MBD5: variants seen among roughly 807,000 people sequenced by gnomAD.
MBD5 encodes the protein methyl-CpG binding domain protein 5, also known as methyl-CpG-binding domain protein 5.
Under a neutral mutation model 117.3 loss-of-function variants are expected in MBD5, and 13 were observed. That is an observed-to-expected ratio of 0.11 (90% CI 0.07 to 0.18). The LOEUF (loss-of-function observed/expected upper bound fraction) is 0.18. Ranked by LOEUF, MBD5 falls within the 10% of genes least tolerant of loss-of-function variation. MBD5 has a pLI of 1.00. For synonymous variants in MBD5, 727 were observed against 766.4 expected, an observed-to-expected ratio of 0.95 and a Z score of 0.85; for missense variants, 1,879 against 2,093.8, an observed-to-expected ratio of 0.90 and a Z score of 2.00.
intron 1 of MBD5, among the ~76,000 whole-genome samples, chr2:148,061,261 T>C (rs1472121645): frequency 1.3e-5 from 2 of 152,126 alleles, no homozygotes; most frequent in East Asian, 1.9e-4. Flanking sequence ...TTATCAGTAA[T>C]TGGTAATAGC....
intron 1 of MBD5, among the ~76,000 whole-genome samples, chr2:148,074,538 T>G (rs1205196558): frequency 7.3e-6 from 1 of 136,890 alleles, no homozygotes; most frequent in African/African-American, 2.9e-5. Context: ...TCTTGCTCTG[T>G]CGCCCAGGCT....
chr2:148,092,374 T>A (rs7571453), intron 1 of MBD5, among the ~76,000 whole-genome samples: 2 of 152,108 alleles, frequency 1.3e-5, no homozygotes, highest in Non-Finnish European at 2.9e-5. Context: ...CATGTTTATC[T>A]CAGCACAATT....
chr2:148,435,351 T>C (rs1706123362), intron 4 of MBD5, among the ~76,000 whole-genome samples: 1 of 152,204 alleles, frequency 6.6e-6, no homozygotes, highest in Non-Finnish European at 1.5e-5. Flanking sequence ...TGCTTTATAG[T>C]GTCACTCATC....
chr2:148,027,353 A>T (rs1443003756), intron 1 of MBD5: 1 of 152,128 alleles, frequency 6.6e-6, no homozygotes, highest in Non-Finnish European at 1.5e-5. Context: ...AATACTTTTT[A>T]ATACAGTTCT....
intron 2 of MBD5, among the ~76,000 whole-genome samples, chr2:148,206,985 G>A (rs1214062155): frequency 6.6e-6 from 1 of 152,198 alleles, no homozygotes; most frequent in Non-Finnish European, 1.5e-5. Context: ...CAAGGACAAA[G>A]TTCAGTGGAA....
chr2:148,301,094 C>G (rs1270144094), intron 3 of MBD5, among the ~76,000 whole-genome samples: 2 of 152,232 alleles, frequency 1.3e-5, no homozygotes, highest in African/African-American at 4.8e-5. Flanking sequence ...AGGGACACCT[C>G]TGTGCCCCTA....
chr2:148,305,498 T>G (rs1701871101), intron 3 of MBD5, among the ~76,000 whole-genome samples: 1 of 152,184 alleles, frequency 6.6e-6, no homozygotes, highest in African/African-American at 2.4e-5. Context: ...TTCTGGTTAT[T>G]GGGCTCAAAG....
In MBD5 at chr2:148,079,187, A is replaced by T. The variant is rs932519735; in HGVS notation, c.-925+57503A>T. ...TTCATTGCCACCTAAGCCAGTGCTA[A>T]TTCATAAAATGCTGACCTGGGATCT... On this transcript the variant is annotated intron_variant, in intron 1 of 13. Transcript: ENST00000642680. Among the ~76,000 whole-genome samples the T allele has an allele frequency of 7.9e-5, 12 of 152,192 alleles. 1 individual carries two copies. In the South Asian group the frequency reaches 8.3e-4, roughly 11 times the overall value.
At chr2:148,327,489 T>C (rs1208768354) in intron 3 of MBD5, among the ~76,000 whole-genome samples, 1 of 152,162 alleles carries the variant, frequency 6.6e-6, no homozygotes, top group African/African-American at 2.4e-5. Flanking sequence ...CAGTCAGACG[T>C]AGATTTGGTC....
chr2:148,350,910 C>T (rs2105230012), intron 4 of MBD5, among the ~76,000 whole-genome samples: 1 of 151,986 alleles, frequency 6.6e-6, no homozygotes, highest in Middle Eastern at 3.4e-3. Flanking sequence ...TTTGTTCTTT[C>T]CTCATTGAAT....
chr2:148,324,882 G>C (rs1264938781), intron 3 of MBD5, among the ~76,000 whole-genome samples: 4 of 152,122 alleles, frequency 2.6e-5, no homozygotes, highest in Non-Finnish European at 5.9e-5. Flanking sequence ...TTGAATAGGA[G>C]TGGTGAGAGA....
intron 1 of MBD5, among the ~76,000 whole-genome samples, chr2:148,115,634 A>G (rs1696617946): frequency 6.6e-6 from 1 of 152,112 alleles, no homozygotes; most frequent in African/African-American, 2.4e-5. Flanking sequence ...TTTGCATACT[A>G]AGAATAGTTA....
intron 1 of MBD5, among the ~76,000 whole-genome samples, chr2:148,033,915 T>G (rs1694113789): frequency 6.6e-6 from 1 of 152,234 alleles, no homozygotes; most frequent in African/African-American, 2.4e-5. Flanking sequence ...ATACCAGCAT[T>G]GATTCATTTT....
intron 4 of MBD5, among the ~76,000 whole-genome samples, chr2:148,414,989 T>G (rs1006697871): frequency 1.3e-5 from 2 of 152,194 alleles, no homozygotes; most frequent in African/African-American, 2.4e-5. Context: ...GTGTGAGAAT[T>G]GGATCCTGTT....
At chr2:148,301,856 T>G (rs1701781581) in intron 3 of MBD5, among the ~76,000 whole-genome samples, 1 of 152,212 alleles carries the variant, frequency 6.6e-6, no homozygotes, top group South Asian at 2.1e-4. Context: ...TGACCCCACT[T>G]GCCTAACTCC....
intron 4 of MBD5, among the ~76,000 whole-genome samples, chr2:148,449,885 T>A (rs1027323204): frequency 3.3e-5 from 5 of 152,086 alleles, no homozygotes; most frequent in Non-Finnish European, 5.9e-5. Context: ...ATTATAGAGC[T>A]AATATATGTT....
At chr2:148,065,670 T>C (rs1179646831) in intron 1 of MBD5, among the ~76,000 whole-genome samples, 1 of 152,170 alleles carries the variant, frequency 6.6e-6, no homozygotes, top group Non-Finnish European at 1.5e-5. Flanking sequence ...GCCTATCAGG[T>C]AAACCATAGA....
intron 4 of MBD5, among the ~76,000 whole-genome samples, chr2:148,429,071 G>A (rs1329218342): frequency 6.6e-6 from 1 of 152,032 alleles, no homozygotes; most frequent in Non-Finnish European, 1.5e-5. Context: ...CTACAGCATG[G>A]GAGAAAATTT....
chr2:148,403,454 A>G (rs761260956), intron 4 of MBD5, among the ~76,000 whole-genome samples: 13 of 152,190 alleles, frequency 8.5e-5, no homozygotes, highest in Non-Finnish European at 1.6e-4. Context: ...TTCTGGGATT[A>G]TAGGAGTGAA....
Sources: gnomAD v4.1 joint callset for allele counts (sites outside exome capture counted in the v4.1 genomes callset) on GRCh38, gnomAD v4.1.1 for gene constraint, MANE v1.5 for transcripts, NCBI Gene and HGNC (gene_info 2026-07-23, HGNC 2026-07-21) for gene names.